EML1: variants seen among roughly 807,000 people sequenced by gnomAD.
EML1 encodes echinoderm microtubule-associated protein-like 1.
A neutral mutation model predicts 110.4 loss-of-function variants in EML1; 27 were observed. The ratio of observed to expected loss-of-function variants is 0.24; its 90% CI spans 0.18 to 0.34. The LOEUF is 0.34. Among genes scored for constraint, EML1 ranks in the 10% least tolerant of loss-of-function variants. The pLI, the probability that EML1 is intolerant of heterozygous loss-of-function variation, is 1.00. For missense variants in EML1, 741 were observed against 1,030.9 expected (o/e 0.72, Z 3.85); for synonymous variants, 344 against 385.8 (o/e 0.89, Z 1.27).
rs1306097386 is a variant in EML1, at chr14:99,905,195, G to A, written c.1009-2443G>A. ...CTAGGGGCCAAGCCACATCATAAAGGAAAATTATCTTTTTCTGTCCTGGCC... is the reference window on the plus strand; with the variant it reads ...CTAGGGGCCAAGCCACATCATAAAGAAAAATTATCTTTTTCTGTCCTGGCC... On this transcript the variant is annotated intron_variant, in intron 9 of 21. Coordinates refer to ENST00000262233, the MANE Select transcript of EML1 (RefSeq NM_004434.3). The surrounding 1 kb of genome is among the most constrained non-coding windows in gnomAD (Gnocchi z 4.1). Among the ~76,000 whole-genome samples the A allele has an allele frequency of 1.3e-5, 2 of 152,170 alleles. No individual in the cohort carries two copies. The highest frequency in any genetic ancestry group is 2.9e-5 in the Non-Finnish European group (2 of 68,028).
At chr14:99,890,536 A>T (rs564857919) in intron 4 of EML1, among the ~76,000 whole-genome samples, 5 of 152,262 alleles carry the variant, frequency 3.3e-5, no homozygotes, top group African/African-American at 9.6e-5. Flanking sequence ...AGGGATGTCC[A>T]GTCTGCCTGC....
chr14:99,877,348 A>G (rs57384331), intron 3 of EML1, among the ~76,000 whole-genome samples: 3,467 of 152,172 alleles, frequency 0.023, 133 homozygotes, highest in African/African-American at 0.08. Flanking sequence ...TTTGGGGAAT[A>G]CAAACAGTCC....
At chr14:99,892,399 A>G (rs893776481) in intron 5 of EML1, among the ~76,000 whole-genome samples, 10 of 152,320 alleles carry the variant, frequency 6.6e-5, no homozygotes, top group Admixed American at 6.5e-5. Context: ...TTTGGATCCC[A>G]ATTGGTATTG....
At chr14:99,850,603 T>G (rs1462720456) in intron 1 of EML1, among the ~76,000 whole-genome samples, 1 of 152,140 alleles carries the variant, frequency 6.6e-6, no homozygotes, top group Admixed American at 6.6e-5. Flanking sequence ...AAAAGTATAA[T>G]GTCAATTAAA....
At chr14:99,815,566 A>G (rs1011723287) in intron 1 of EML1, among the ~76,000 whole-genome samples, 3 of 152,130 alleles carry the variant, frequency 2.0e-5, no homozygotes, top group East Asian at 1.9e-4. Context: ...TCTGCAAACA[A>G]TGGTTTCTTT....
At chr14:99,750,603 C>T (rs907610611) in intron 1 of EML1, among the ~76,000 whole-genome samples, 9 of 152,176 alleles carry the variant, frequency 5.9e-5, no homozygotes, top group African/African-American at 9.7e-5. Context: ...AACTATCACC[C>T]GTATTCAAGG....
At chr14:99,817,556 G>A (rs751838849) in intron 1 of EML1, among the ~76,000 whole-genome samples, 6 of 152,196 alleles carry the variant, frequency 3.9e-5, no homozygotes, top group Non-Finnish European at 5.9e-5. Flanking sequence ...AAGGAAATTA[G>A]AGCTTGGCAT....
chr14:99,742,512 G>A lies in EML1; in HGVS notation c.28+4652G>A, dbSNP rs545680241. On this transcript the variant is annotated intron_variant, in intron 1 of 10. Transcript: ENST00000554479. Reference sequence around the variant, plus strand: ...GAGAAAGGGTGAGGTCCACACAGAAGAGGAGGGACCCGGAGGAGGGCACAG... The same window carrying A: ...GAGAAAGGGTGAGGTCCACACAGAAAAGGAGGGACCCGGAGGAGGGCACAG... Among the ~76,000 whole-genome samples the A allele has an allele frequency of 9.2e-5, 14 of 152,290 alleles. No individual in the cohort carries two copies. In the East Asian group the frequency reaches 2.5e-3, roughly 27 times the overall value.
intron 1 of EML1, among the ~76,000 whole-genome samples, chr14:99,766,933 C>T (rs2057374210): frequency 6.6e-6 from 1 of 152,146 alleles, no homozygotes; most frequent in Non-Finnish European, 1.5e-5. Context: ...ATCCATCATC[C>T]TGGAGTGTTG....
In EML1 at chr14:99,784,989, T is replaced by C. The variant is rs529537954; in HGVS notation, c.-27+10976T>C. Among the ~76,000 whole-genome samples, 7 of 152,216 alleles carry C rather than the reference T, an allele frequency of 4.6e-5. No individual in the cohort carries two copies. The highest frequency in any genetic ancestry group is 1.2e-4 in the African/African-American group (5 of 41,554). ...AGAACTGGAAGAACTAGAGGAGCCA[T>C]GAAGGACCCTGAAAGCCAGTCTGCA... On this transcript the variant is annotated intron_variant, in intron 1 of 22. Coordinates refer to the EML1 transcript ENST00000327921. This position sits in a 1 kb window ranked among gnomAD's most constrained non-coding sequence, Gnocchi z 4.5.
intron 1 of EML1, among the ~76,000 whole-genome samples, chr14:99,840,515 G>A (rs926460290): frequency 6.6e-6 from 1 of 152,174 alleles, no homozygotes; most frequent in East Asian, 1.9e-4. Context: ...GGGACACTGG[G>A]CATGGGGACA....
At chr14:99,822,768 G>T (rs922401871) in intron 1 of EML1, among the ~76,000 whole-genome samples, 1 of 152,120 alleles carries the variant, frequency 6.6e-6, no homozygotes, top group African/African-American at 2.4e-5. Flanking sequence ...TTGCCTGCAG[G>T]GGGTGGCAGT....
intron 9 of EML1, chr14:99,906,949 C>T (rs908331228): frequency 2.0e-5 from 3 of 152,742 alleles, no homozygotes; most frequent in Non-Finnish European, 4.4e-5. Context: ...CCCCCAGAGC[C>T]GAGGCATTGT....
chr14:99,874,219 A>C (rs1446260060), intron 3 of EML1, among the ~76,000 whole-genome samples: 3 of 152,244 alleles, frequency 2.0e-5, no homozygotes, highest in Admixed American at 1.3e-4. Flanking sequence ...TAAAGTGTTA[A>C]GTGGCACAAA....
At chr14:99,848,983 C>A (rs2058747578) in intron 1 of EML1, among the ~76,000 whole-genome samples, 1 of 151,198 alleles carries the variant, frequency 6.6e-6, no homozygotes, top group African/African-American at 2.4e-5. Context: ...AATAATAAAA[C>A]TTAAGGTTTC....
chr14:99,767,674 G>T (rs891608434), intron 1 of EML1, among the ~76,000 whole-genome samples: 7 of 152,154 alleles, frequency 4.6e-5, no homozygotes, highest in Admixed American at 3.3e-4. Context: ...TGAAAAAAAT[G>T]CAAGACATTT....
chr14:99,901,116 G>C (rs1344351655), intron 9 of EML1, 77 bp downstream of exon 9: 2 of 1,261,450 alleles, frequency 1.6e-6, no homozygotes, highest in Admixed American at 1.7e-5. Flanking sequence ...AAGAGGGGGA[G>C]TTGACACACT....
intron 1 of EML1, among the ~76,000 whole-genome samples, chr14:99,746,093 T>C (rs2057104348): frequency 6.6e-6 from 1 of 152,228 alleles, no homozygotes; most frequent in Non-Finnish European, 1.5e-5. Flanking sequence ...CAGTTCCACA[T>C]GACGCCCCCT....
At position 99,827,507 on chromosome 14, in the gene EML1, TG is replaced by T. The variant is rs2058380587; in HGVS notation, c.68-23345del. 6.6e-6 allele frequency among the ~76,000 whole-genome samples: 1 copy of T among 152,160 alleles called. No individual in the cohort carries two copies. Among genetic ancestry groups the T allele is most frequent in the African/African-American group, 2.4e-5 (1 of 41,430 alleles). On this transcript the variant is annotated intron_variant, in intron 1 of 21. Coordinates refer to ENST00000262233, the MANE Select transcript of EML1 (RefSeq NM_004434.3). The surrounding 1 kb of genome is among the most constrained non-coding windows in gnomAD (Gnocchi z 4.4). The stretch of plus-strand genomic sequence containing the variant: ...GCTTACTTGTGTTACCCCAAATTCA[TG>T]TGTTGAATCTCTAACCCTAGTGCCT...
Sources: allele counts gnomAD v4.1 joint callset (sites outside exome capture counted in the v4.1 genomes callset), GRCh38; gene constraint gnomAD v4.1.1; non-coding constraint Gnocchi (gnomAD v3.1); transcripts MANE v1.5; gene names NCBI Gene and HGNC (gene_info 2026-07-23, HGNC 2026-07-21).